Variants in DPYD observed in about 807,000 individuals in gnomAD.
DPYD encodes dihydropyrimidine dehydrogenase.
A neutral mutation model predicts 116.2 loss-of-function variants in DPYD; 109 were observed. The ratio of observed to expected loss-of-function variants is 0.94; its 90% CI spans 0.80 to 1.10. The LOEUF is 1.10. DPYD is among the 50% of genes least tolerant of loss of function. The pLI is 0.00. For missense variants in DPYD, 1,302 were observed against 1,254.5 expected (o/e 1.04, Z -0.57); for synonymous variants, 440 against 432.0 (o/e 1.02, Z -0.23).
intron 8 of DPYD, among the ~76,000 whole-genome samples, chr1:97,652,549 T>C (rs545497640): frequency 6.6e-5 from 10 of 152,232 alleles, no homozygotes; most frequent in African/African-American, 2.4e-4. Flanking sequence ...AGGAGAATTT[T>C]CCAGAAAAAG....
intron 14 of DPYD, among the ~76,000 whole-genome samples, chr1:97,448,325 C>T (rs1454107755): frequency 1.3e-5 from 2 of 152,164 alleles, no homozygotes; most frequent in African/African-American, 4.8e-5. Context: ...CTAGCTTCAC[C>T]ATATATTAGG....
chr1:97,533,491 G>C (rs926640383), intron 12 of DPYD, among the ~76,000 whole-genome samples: 2 of 152,116 alleles, frequency 1.3e-5, no homozygotes, highest in Non-Finnish European at 2.9e-5. Context: ...GGCAAAGGTG[G>C]TGATACTGCT....
At chr1:97,172,768 A>C (rs1007122539) in intron 20 of DPYD, among the ~76,000 whole-genome samples, 1 of 152,216 alleles carries the variant, frequency 6.6e-6, no homozygotes, top group Admixed American at 6.5e-5. Flanking sequence ...TTAATTATCC[A>C]ACAGATTTGT....
chr1:97,274,490 G>A (rs1426681587), intron 18 of DPYD, among the ~76,000 whole-genome samples: 3 of 152,126 alleles, frequency 2.0e-5, no homozygotes. Flanking sequence ...CCAGCACTAT[G>A]CTTCTTGTAG....
intron 11 of DPYD, among the ~76,000 whole-genome samples, chr1:97,572,104 G>A (rs957061649): frequency 2.6e-5 from 4 of 151,806 alleles, no homozygotes; most frequent in African/African-American, 7.3e-5. Flanking sequence ...AAAAAATAGC[G>A]AAGAAACATT....
chr1:97,762,294 G>C (rs898115313), intron 3 of DPYD, among the ~76,000 whole-genome samples: 3 of 152,136 alleles, frequency 2.0e-5, no homozygotes, highest in Non-Finnish European at 4.4e-5. Context: ...ATGTACCACA[G>C]AGTGACAAGA....
intron 12 of DPYD, among the ~76,000 whole-genome samples, chr1:97,523,254 C>T (rs183645178): frequency 6.6e-6 from 1 of 152,258 alleles, no homozygotes; most frequent in African/African-American, 2.4e-5. Flanking sequence ...AGCAACCTTT[C>T]CTTTTTAGAA....
chr1:97,816,399 T>C (rs1191466512), intron 3 of DPYD, among the ~76,000 whole-genome samples: 1 of 152,166 alleles, frequency 6.6e-6, no homozygotes, highest in Non-Finnish European at 1.5e-5. Flanking sequence ...ATAAAAGTAA[T>C]TCTTTAGATA....
At chr1:97,415,868 T>C (rs1488784117) in intron 14 of DPYD, among the ~76,000 whole-genome samples, 1 of 152,218 alleles carries the variant, frequency 6.6e-6, no homozygotes, top group Admixed American at 6.5e-5. Flanking sequence ...TAATTGTTAA[T>C]TTCTATGTGT....
At chr1:97,718,553 T>A (rs1662745654) in intron 5 of DPYD, among the ~76,000 whole-genome samples, 1 of 151,990 alleles carries the variant, frequency 6.6e-6, no homozygotes, top group Non-Finnish European at 1.5e-5. Flanking sequence ...ATTTTAAGTA[T>A]AAATTTTCCA....
rs1648890380 is a variant in DPYD at position 97,077,743 on chromosome 1, T to C, written c.*1233A>G. Reference sequence around the variant, plus strand: ...GCAAATGAGGCAGCAAAAGACCATATTTAAAATGCTTTATGATATTTTATT... The same window carrying C: ...GCAAATGAGGCAGCAAAAGACCATACTTAAAATGCTTTATGATATTTTATT... On this transcript the variant is annotated 3_prime_UTR_variant, in exon 23 of 23. Coordinates refer to ENST00000370192, the MANE Select transcript of DPYD (RefSeq NM_000110.4). 1 of 152,206 alleles carries C rather than the reference T, an allele frequency of 6.6e-6. No homozygotes were observed. The allele number at this position is 152,206 out of a possible 1,614,324, so 9.4% of individuals were successfully genotyped here. A position where few individuals can be genotyped will look rare whatever the true frequency, so the allele number is the denominator to read the frequency against.
intron 3 of DPYD, among the ~76,000 whole-genome samples, chr1:97,798,389 T>C (rs999336282): frequency 1.3e-5 from 2 of 151,948 alleles, no homozygotes; most frequent in Non-Finnish European, 2.9e-5. Flanking sequence ...CCTGTGACAA[T>C]CAAGCAAATA....
chr1:97,515,809 GA>G lies in DPYD; in HGVS notation c.1656del (p.Pro553GlnfsTer7). Reference sequence around the variant, plus strand: ...CGAATCATTGATGTGCTGGTGGCTGGAGTTGCGCTAGCAAGACCAAAAGGAT... The same window carrying G: ...CGAATCATTGATGTGCTGGTGGCTGGGTTGCGCTAGCAAGACCAAAAGGAT... ...FINPFGLASATPATSTSMIRR... is the reference protein window; with the variant it reads ...FINPFGLASAXPATSTSMIRR... On this transcript the variant is annotated frameshift_variant, in exon 13 of 23. Transcript: ENST00000370192. LOFTEE classifies it high-confidence loss of function. 6.2e-7 allele frequency: 1 copy of G among 1,612,940 alleles called. No individual in the cohort carries two copies. The highest frequency in any genetic ancestry group is 8.5e-7 in the Non-Finnish European group (1 of 1,179,292).
chr1:97,118,072 C>T lies in DPYD; in HGVS notation c.2623-19440G>A, dbSNP rs1652120916. 2.0e-5 allele frequency among the ~76,000 whole-genome samples: 3 copies of T among 152,048 alleles called. No homozygotes were observed. In the South Asian group the frequency reaches 6.2e-4, roughly 32 times the overall value. On this transcript the variant is annotated intron_variant, in intron 20 of 22. Transcript: ENST00000370192. The stretch of plus-strand genomic sequence containing the variant: ...TTCATTCTTATAGAATACATTTTTG[C>T]TTCCTTTTTGCTTGAGATTTCATTG...
chr1:97,850,472 T>C (rs933338924), intron 2 of DPYD, among the ~76,000 whole-genome samples: 1 of 152,196 alleles, frequency 6.6e-6, no homozygotes, highest in African/African-American at 2.4e-5. Context: ...ACAATGCTTC[T>C]TAATGAACTA....
chr1:97,821,741 G>A (rs991415019), intron 3 of DPYD, among the ~76,000 whole-genome samples: 1 of 151,974 alleles, frequency 6.6e-6, no homozygotes, highest in African/African-American at 2.4e-5. Context: ...CTTCTCCATT[G>A]AATTCCATTA....
intron 2 of DPYD, among the ~76,000 whole-genome samples, chr1:97,841,954 T>TA (rs1399041419): frequency 6.6e-6 from 1 of 151,762 alleles, no homozygotes; most frequent in Non-Finnish European, 1.5e-5. Flanking sequence ...AAGGAATAAA[T>TA]AAAAAATATA....
chr1:97,663,025 C>G (rs61091052), intron 8 of DPYD, among the ~76,000 whole-genome samples: 1 of 152,134 alleles, frequency 6.6e-6, no homozygotes, highest in African/African-American at 2.4e-5. Flanking sequence ...TATATTATTT[C>G]TATTACTCCC....
intron 16 of DPYD, among the ~76,000 whole-genome samples, chr1:97,317,321 T>C (rs755754899): frequency 4.6e-5 from 7 of 151,922 alleles, no homozygotes; most frequent in Non-Finnish European, 7.4e-5. Context: ...TGTTCAAAAT[T>C]GTGGACCAGC....
Sources: gnomAD v4.1 joint callset for allele counts (sites outside exome capture counted in the v4.1 genomes callset) on GRCh38, gnomAD v4.1.1 for gene constraint, MANE v1.5 for transcripts, NCBI Gene and HGNC (gene_info 2026-07-23, HGNC 2026-07-21) for gene names.